GLT1D1: variants seen among roughly 807,000 people sequenced by gnomAD.
GLT1D1 encodes glycosyltransferase 1 domain-containing protein 1.
Under a neutral mutation model 28.7 loss-of-function variants are expected in GLT1D1, and 21 were observed. The ratio of observed to expected loss-of-function variants is 0.73; its 90% CI spans 0.52 to 1.05. GLT1D1 has a LOEUF of 1.05. Ranked by LOEUF, GLT1D1 falls within the 50% of genes least tolerant of loss-of-function variation. The probability of loss-of-function intolerance (pLI) is 0.00; values close to 1 mark genes in which losing one functional copy is unlikely to be tolerated. For missense variants in GLT1D1, 343 were observed against 330.6 expected (o/e 1.04, Z -0.29); for synonymous variants, 147 against 124.8 (o/e 1.18, Z -1.19).
At chr12:128,937,932 TTA>T (rs1300856839) in intron 4 of GLT1D1, among the ~76,000 whole-genome samples, 3 of 152,214 alleles carry the variant, frequency 2.0e-5, no homozygotes, top group Non-Finnish European at 4.4e-5. Flanking sequence ...TGTGTCTTTA[TTA>T]ACAGTGCGAG....
At chr12:128,867,419 G>GAAAAAAAAAAAAAAAAAGAAAAA (rs1318656397) in intron 1 of GLT1D1, among the ~76,000 whole-genome samples, 3 of 111,822 alleles carry the variant, frequency 2.7e-5, no homozygotes, top group Non-Finnish European at 5.5e-5. Flanking sequence ...AAAAAAAACA[G>GAAAAAAAAAAAAAAAAAGAAAAA]AAAAAAAAAA....
chr12:128,863,945 CAA>C (rs35052910), intron 1 of GLT1D1, among the ~76,000 whole-genome samples: 83 of 56,150 alleles, frequency 1.5e-3, no homozygotes, highest in African/African-American at 3.2e-3. Context: ...GACTCCATCT[CAA>C]AAAAAAAAAA....
chr12:128,858,847 C>T (rs954866818), intron 1 of GLT1D1, among the ~76,000 whole-genome samples: 1 of 141,564 alleles, frequency 7.1e-6, no homozygotes, highest in South Asian at 2.2e-4. Flanking sequence ...TTGGTCTCCA[C>T]AGTCTTTTAT....
At position 128,983,339 on chromosome 12, in the gene GLT1D1, G is replaced by T; in HGVS notation, c.*249G>T. ...AGGTGCATGAGTGACTGGGTTGACT[G>T]GGACAGGGAAAGGGGAACTGGTTTT... On this transcript the variant is annotated 3_prime_UTR_variant, in exon 8 of 8. Coordinates refer to ENST00000281703, the MANE Select transcript of GLT1D1 (RefSeq NM_144669.3). The surrounding 1 kb of genome is among the most constrained non-coding windows in gnomAD (Gnocchi z 4.7). 1 of 450,964 alleles carries T rather than the reference G, an allele frequency of 2.2e-6. No homozygotes were observed. The highest frequency in any genetic ancestry group is 4.0e-6 in the Non-Finnish European group (1 of 251,606). The allele number at this position is 450,964 out of a possible 1,614,324, so 27.9% of individuals were successfully genotyped here. A position where few individuals can be genotyped will look rare whatever the true frequency, so the allele number is the denominator to read the frequency against.
chr12:128,881,678 A>T (rs1266265703), intron 2 of GLT1D1, among the ~76,000 whole-genome samples: 7 of 143,372 alleles, frequency 4.9e-5, no homozygotes, highest in African/African-American at 1.8e-4. Flanking sequence ...AAAAATATAT[A>T]TTTTTTATGG....
chr12:128,951,218 C>T (rs1474057983), intron 6 of GLT1D1, among the ~76,000 whole-genome samples: 1 of 152,016 alleles, frequency 6.6e-6, no homozygotes, highest in East Asian at 1.9e-4. Context: ...GCCTGGCCAA[C>T]ATGATGAAAC....
chr12:128,863,862 C>T (rs374751979), intron 1 of GLT1D1, among the ~76,000 whole-genome samples: 4 of 144,334 alleles, frequency 2.8e-5, no homozygotes, highest in African/African-American at 5.2e-5. Context: ...AGGAGAATGG[C>T]GTGAACCCGG....
At chr12:128,933,862 A>G (rs1046328806) in intron 4 of GLT1D1, among the ~76,000 whole-genome samples, 2 of 152,152 alleles carry the variant, frequency 1.3e-5, no homozygotes, top group Admixed American at 6.5e-5. Flanking sequence ...GAAGTTGACT[A>G]TTTCCTGCAG....
chr12:128,948,882 G>GA (rs1167791049), intron 6 of GLT1D1, among the ~76,000 whole-genome samples: 1 of 152,068 alleles, frequency 6.6e-6, no homozygotes. Flanking sequence ...AGACCCCAAA[G>GA]AAAAAAACAC....
chr12:128,879,507 G>A (rs2135806701), intron 2 of GLT1D1, among the ~76,000 whole-genome samples: 1 of 148,064 alleles, frequency 6.8e-6, no homozygotes, highest in South Asian at 2.1e-4. Flanking sequence ...CCAGGCTGGA[G>A]TGCAGTGGCA....
intron 4 of GLT1D1, among the ~76,000 whole-genome samples, chr12:128,901,085 C>G (rs1456456151): frequency 6.6e-6 from 1 of 152,214 alleles, no homozygotes; most frequent in Non-Finnish European, 1.5e-5. Context: ...AAAGCCTTTT[C>G]TTTTGGCTTT....
At chr12:128,861,253 A>G (rs28451437) in intron 1 of GLT1D1, among the ~76,000 whole-genome samples, 30,636 of 152,140 alleles carry the variant, frequency 0.2, 3,502 homozygotes, top group Admixed American at 0.28. Context: ...TGTTGTTCAC[A>G]TTTCTGCTTT....
intron 4 of GLT1D1, among the ~76,000 whole-genome samples, chr12:128,899,644 G>A (rs1056122583): frequency 5.3e-5 from 8 of 151,326 alleles, no homozygotes; most frequent in African/African-American, 1.7e-4. Context: ...CCACCTCCCG[G>A]GTTCAAGCAA....
intron 4 of GLT1D1, among the ~76,000 whole-genome samples, chr12:128,906,723 T>C (rs992601824): frequency 6.6e-6 from 1 of 151,940 alleles, no homozygotes; most frequent in Non-Finnish European, 1.5e-5. Context: ...TTCTTTTTTT[T>C]TTTTTCTTTT....
At chr12:128,974,502 A>C (rs941449972) in intron 7 of GLT1D1, among the ~76,000 whole-genome samples, 2 of 152,154 alleles carry the variant, frequency 1.3e-5, no homozygotes, top group Non-Finnish European at 2.9e-5. Context: ...CTGTCCTTTG[A>C]CCAGCACAAT....
chr12:128,862,617 T>C (rs10847706), intron 1 of GLT1D1, among the ~76,000 whole-genome samples: 51,183 of 152,040 alleles, frequency 0.34, 9,247 homozygotes, highest in South Asian at 0.53. Flanking sequence ...GCACTCCAGC[T>C]TGGGCAGCAA....
intron 7 of GLT1D1, among the ~76,000 whole-genome samples, chr12:128,977,779 C>CTTTTT (rs1163954822): frequency 3.0e-4 from 7 of 22,958 alleles, no homozygotes; most frequent in South Asian, 4.1e-3. Flanking sequence ...TTTCTTTTTT[C>CTTTTT]TTTTTTTTTT....
intron 6 of GLT1D1, among the ~76,000 whole-genome samples, chr12:128,950,741 A>G (rs1015708634): frequency 6.6e-6 from 1 of 152,206 alleles, no homozygotes; most frequent in Non-Finnish European, 1.5e-5. Flanking sequence ...ATGGCATCCT[A>G]GCCACAAAGG....
chr12:128,921,624 C>T (rs1456247502), intron 4 of GLT1D1, among the ~76,000 whole-genome samples: 2 of 151,872 alleles, frequency 1.3e-5, no homozygotes, highest in Non-Finnish European at 2.9e-5. Context: ...GGATTATTCT[C>T]TTCTCAGGGC....
Sources: gnomAD v4.1 joint callset for allele counts (sites outside exome capture counted in the v4.1 genomes callset) on GRCh38, gnomAD v4.1.1 for gene constraint, Gnocchi (gnomAD v3.1) non-coding constraint, MANE v1.5 for transcripts, NCBI Gene and HGNC (gene_info 2026-07-23, HGNC 2026-07-21) for gene names.